Variants in HMCN1 observed in about 807,000 individuals in gnomAD.
HMCN1 encodes the protein hemicentin 1.
Under a neutral mutation model 625.9 loss-of-function variants are expected in HMCN1, and 321 were observed. The ratio of observed to expected loss-of-function variants is 0.51; its 90% CI spans 0.47 to 0.56. The LOEUF is 0.56. Among genes scored for constraint, HMCN1 ranks in the 20% least tolerant of loss-of-function variants. The probability of loss-of-function intolerance (pLI) is 0.00; values close to 1 mark genes in which losing one functional copy is unlikely to be tolerated. For missense variants in HMCN1, 6,588 were observed against 6,887.3 expected, an observed-to-expected ratio of 0.96 and a Z score of 1.54; for synonymous variants, 2,425 against 2,417.6, an observed-to-expected ratio of 1.00 and a Z score of -0.09.
intron 1 of HMCN1, among the ~76,000 whole-genome samples, chr1:185,828,842 A>T (rs1201515669): frequency 6.6e-6 from 1 of 152,142 alleles, no homozygotes; most frequent in Non-Finnish European, 1.5e-5. Flanking sequence ...GACATATCAG[A>T]ATCTATGGGA....
intron 1 of HMCN1, among the ~76,000 whole-genome samples, chr1:185,747,271 T>C (rs962202179): frequency 2.0e-5 from 3 of 152,136 alleles, no homozygotes; most frequent in Admixed American, 6.6e-5. Context: ...CATTAATGTT[T>C]GGGGTGCTAT....
chr1:185,794,820 G>T (rs1658257332), intron 1 of HMCN1, among the ~76,000 whole-genome samples: 1 of 129,232 alleles, frequency 7.7e-6, no homozygotes, highest in Admixed American at 7.0e-5. Flanking sequence ...TCACAACATT[G>T]ATTTAAAAAA....
At chr1:185,743,341 C>G (rs745642091) in intron 1 of HMCN1, among the ~76,000 whole-genome samples, 1 of 152,138 alleles carries the variant, frequency 6.6e-6, no homozygotes, top group African/African-American at 2.4e-5. Context: ...GCTAATTGTG[C>G]CTTTTTGGTG....
rs145290984 is a variant in HMCN1, at chr1:186,136,091, G to A, written c.13313-577G>A. ...CTCAGGAGGCTGAGGCCGGAGAATT[G>A]CTTGAACCCTGGAGGGAGATGTTGC... On this transcript the variant is annotated intron_variant, in intron 86 of 106. Coordinates refer to ENST00000271588, the MANE Select transcript of HMCN1 (RefSeq NM_031935.3). 3.3e-3 allele frequency among the ~76,000 whole-genome samples: 504 copies of A among 152,200 alleles called. 5 individuals are homozygous for A. The highest frequency in any genetic ancestry group is 0.012 in the African/African-American group (478 of 41,530).
chr1:186,060,604 G>A (rs1657625164), intron 46 of HMCN1, among the ~76,000 whole-genome samples: 1 of 152,044 alleles, frequency 6.6e-6, no homozygotes, highest in African/African-American at 2.4e-5. Context: ...TTACATAGAT[G>A]TTCAAAATAC....
At chr1:185,786,802 AGTG>A (rs1424241838) in intron 1 of HMCN1, among the ~76,000 whole-genome samples, 1 of 152,154 alleles carries the variant, frequency 6.6e-6, no homozygotes, top group Non-Finnish European at 1.5e-5. Flanking sequence ...TGGGCATACT[AGTG>A]GTCTAATTTC....
intron 1 of HMCN1, 94 bp from the exon 2 acceptor site, chr1:185,845,932 T>G (rs74133688): frequency 1.3e-6 from 1 of 777,098 alleles, no homozygotes; most frequent in African/African-American, 1.7e-5. Context: ...TAAGTAACCA[T>G]GTACTGCAAG....
intron 1 of HMCN1, among the ~76,000 whole-genome samples, chr1:185,804,548 T>A (rs1659045371): frequency 6.6e-6 from 1 of 152,142 alleles, no homozygotes; most frequent in East Asian, 1.9e-4. Flanking sequence ...AAAGTCTTTA[T>A]GAATTTTTTT....
chr1:185,982,408 C>T lies in HMCN1; in HGVS notation c.2790+19C>T. ...AGCTATGGTAAGAACATTTTAAATG[C>T]ATGCATTCACATTCTTTTGTGAGTT... On this transcript the variant is annotated intron_variant, in intron 18 of 106. Coordinates refer to ENST00000271588, the MANE Select transcript of HMCN1 (RefSeq NM_031935.3). The T allele has an allele frequency of 6.2e-7, 1 of 1,600,100 alleles. No homozygotes were observed. Among genetic ancestry groups the T allele is most frequent in the South Asian group, 1.1e-5 (1 of 90,780 alleles).
intron 45 of HMCN1, among the ~76,000 whole-genome samples, 191 bp downstream of exon 45, chr1:186,055,865 A>G (rs1366348289): frequency 6.6e-6 from 1 of 151,980 alleles, no homozygotes; most frequent in African/African-American, 2.4e-5. Context: ...TACCTTGCTG[A>G]AATAAGCGCA....
intron 85 of HMCN1, among the ~76,000 whole-genome samples, chr1:186,131,822 A>T (rs1217111652): frequency 6.6e-6 from 1 of 152,142 alleles, no homozygotes; most frequent in Non-Finnish European, 1.5e-5. Flanking sequence ...TCTGTGATTT[A>T]TTATTATAAG....
At chr1:186,182,396 C>A (rs1652993352) in intron 105 of HMCN1, 109 bp downstream of exon 105, 1 of 1,285,312 alleles carries the variant, frequency 7.8e-7, no homozygotes, top group Non-Finnish European at 1.1e-6. Flanking sequence ...CCCTTCTTAC[C>A]CATTCCCGTG....
intron 4 of HMCN1, among the ~76,000 whole-genome samples, chr1:185,902,332 C>A (rs1665849330): frequency 6.6e-6 from 1 of 151,392 alleles, no homozygotes; most frequent in Admixed American, 6.6e-5. Context: ...TCCCATCTCC[C>A]TATGAAAATC....
intron 67 of HMCN1, 123 bp from the exon 68 acceptor site, chr1:186,095,120 A>G (rs1660058583): frequency 1.0e-6 from 1 of 954,110 alleles, no homozygotes; most frequent in African/African-American, 1.6e-5. Flanking sequence ...TATTATACAC[A>G]ATTTTAAAGT....
intron 4 of HMCN1, among the ~76,000 whole-genome samples, chr1:185,903,132 A>G (rs1230204370): frequency 6.6e-6 from 1 of 151,874 alleles, no homozygotes; most frequent in Non-Finnish European, 1.5e-5. Flanking sequence ...CAAAAATTTT[A>G]TAAAGATAAA....
At chr1:185,754,198 TA>T (rs1485268361) in intron 1 of HMCN1, among the ~76,000 whole-genome samples, 1 of 152,202 alleles carries the variant, frequency 6.6e-6, no homozygotes, top group African/African-American at 2.4e-5. Flanking sequence ...AACTTATATG[TA>T]GAGTCGAAAA....
At position 186,172,071 on chromosome 1, in the gene HMCN1, T is replaced by C. The variant is rs1652266749; in HGVS notation, c.15754T>C (p.Tyr5252His). The change falls in exon 102 of 107, where the codon TAT (tyrosine) becomes CAT (histidine). Residue 5252 changes from tyrosine (Y) to histidine (H), a missense_variant. Physicochemically the swap from Tyr to His is moderately conservative, Grantham distance 83 (BLOSUM62 2). Transcript: ENST00000271588. Reference protein sequence around the residue: ...DQHCKNTRGGYKCIDLCPNGM... With the variant: ...DQHCKNTRGGHKCIDLCPNGM... ...GCACTGTAAGAACACCCGTGGTGGC[T>C]ATAAGTGCATTGATCTTTGTCCAAA... is the stretch of plus-strand genomic sequence containing the variant. The C allele has an allele frequency of 3.1e-6, 5 of 1,613,872 alleles. No homozygotes were observed. Among genetic ancestry groups the C allele is most frequent in the South Asian group, 1.1e-5 (1 of 91,076 alleles).
chr1:185,803,112 G>T (rs1284926766), intron 1 of HMCN1, among the ~76,000 whole-genome samples: 2 of 143,502 alleles, frequency 1.4e-5, no homozygotes, highest in Non-Finnish European at 3.0e-5. Context: ...TGAATTTCTT[G>T]AGTCTCCCTC....
At chr1:185,862,127 A>T (rs1416110712) in intron 2 of HMCN1, among the ~76,000 whole-genome samples, 2 of 152,038 alleles carry the variant, frequency 1.3e-5, no homozygotes, top group Non-Finnish European at 2.9e-5. Context: ...AAAATTCTAT[A>T]AAAAAAGAAT....
Sources: gnomAD v4.1 joint callset for allele counts (sites outside exome capture counted in the v4.1 genomes callset) on GRCh38, gnomAD v4.1.1 for gene constraint, MANE v1.5 for transcripts, NCBI Gene and HGNC (gene_info 2026-07-23, HGNC 2026-07-21) for gene names.